The following CNTLN variants were observed in gnomAD, a reference collection of about 807,000 sequenced individuals.
CNTLN encodes the protein centlein, centrosomal protein.
CNTLN carries 212 observed loss-of-function variants against 180.0 expected under a neutral mutation model. That is an observed-to-expected ratio of 1.18 (90% CI 1.05 to 1.32). The LOEUF is 1.32. Among genes scored for constraint, CNTLN ranks in the 40% most tolerant of loss-of-function variants. The probability of loss-of-function intolerance (pLI) is 0.00; values close to 1 mark genes in which losing one functional copy is unlikely to be tolerated. For synonymous variants in CNTLN, 722 were observed against 563.1 expected (o/e 1.28, Z -3.99); for missense variants, 2,095 against 1,610.9 (o/e 1.30, Z -5.14).
intron 18 of CNTLN, among the ~76,000 whole-genome samples, chr9:17,425,631 G>A (rs907085404): frequency 6.6e-6 from 1 of 152,126 alleles, no homozygotes; most frequent in African/African-American, 2.4e-5. Flanking sequence ...TTTTTGAGGT[G>A]CATGCTGGAA....
chr9:17,513,534 A>G, the CNTLN span, among the ~76,000 whole-genome samples: 9 of 152,052 alleles, frequency 5.9e-5, no homozygotes, highest in Non-Finnish European at 1.3e-4. Context: ...CTTCTGTACA[A>G]AAAATACAAA....
chr9:17,158,784 G>T (rs540566567), intron 2 of CNTLN, among the ~76,000 whole-genome samples: 84 of 152,012 alleles, frequency 5.5e-4, no homozygotes, highest in Middle Eastern at 6.8e-3. Context: ...CTAAAGGTTT[G>T]TCAATTTTGT....
intron 18 of CNTLN, among the ~76,000 whole-genome samples, chr9:17,430,900 T>G (rs906624861): frequency 7.9e-5 from 12 of 152,182 alleles, no homozygotes; most frequent in Admixed American, 5.9e-4. Context: ...TTGTCATGGC[T>G]AAATAGTATT....
chr9:17,234,877 A>G (rs1825040532), intron 3 of CNTLN, among the ~76,000 whole-genome samples: 1 of 152,300 alleles, frequency 6.6e-6, no homozygotes, highest in South Asian at 2.1e-4. Flanking sequence ...TATGGATTTC[A>G]TTTTTAGTAA....
intron 25 of CNTLN, among the ~76,000 whole-genome samples, chr9:17,494,038 A>G (rs1481016127): frequency 1.3e-5 from 2 of 152,214 alleles, no homozygotes; most frequent in East Asian, 3.9e-4. Context: ...ACAGATTTGG[A>G]ATGATAAAAT....
In CNTLN at chr9:17,309,102, T is replaced by C; in HGVS notation, c.1191T>C (p.Asn397=). The C allele has an allele frequency of 1.9e-6, 3 of 1,599,490 alleles. No individual in the cohort carries two copies. Among genetic ancestry groups the C allele is most frequent in the Non-Finnish European group, 2.6e-6 (3 of 1,175,676 alleles). ...LHICFETTKS[N]EAMLRQSVTN... The stretch of plus-strand genomic sequence containing the variant: ...TTTGTTTTGAAACCACAAAATCAAA[T>C]GAAGCTATGCTCCGGCAAAGTGTTA... The change falls in exon 8 of 26, where the codon AAT becomes AAC. Residue 397 remains asparagine (N), a synonymous_variant. Coordinates refer to ENST00000380647, the MANE Select transcript of CNTLN (RefSeq NM_017738.4).
At chr9:17,372,187 A>G (rs376859803) in intron 13 of CNTLN, among the ~76,000 whole-genome samples, 12 of 152,282 alleles carry the variant, frequency 7.9e-5, no homozygotes, top group African/African-American at 2.6e-4. Flanking sequence ...TGGTTTATCA[A>G]AAAGCTAACC....
At chr9:17,275,154 C>T (rs1428658075) in intron 6 of CNTLN, among the ~76,000 whole-genome samples, 1 of 152,036 alleles carries the variant, frequency 6.6e-6, no homozygotes, top group African/African-American at 2.4e-5. Context: ...TATCCTCTTC[C>T]TAGTAAGATT....
chr9:17,517,918 T>C, the CNTLN span, among the ~76,000 whole-genome samples: 2 of 151,870 alleles, frequency 1.3e-5, no homozygotes, highest in Non-Finnish European at 2.9e-5. Flanking sequence ...GCCTTCCGAC[T>C]CTGTGCTTCT....
intron 2 of CNTLN, chr9:17,168,030 C>T (rs1341064947): frequency 6.6e-6 from 1 of 152,134 alleles, no homozygotes; most frequent in Non-Finnish European, 1.5e-5. Flanking sequence ...GGGAAAATTA[C>T]CCCGTCACTT....
chr9:17,519,808 C>G, the CNTLN span, among the ~76,000 whole-genome samples: 1 of 152,230 alleles, frequency 6.6e-6, no homozygotes, highest in African/African-American at 2.4e-5. Context: ...TACAAGAAGT[C>G]TGCTAGCCAA....
At chr9:17,382,539 T>C (rs1271563663) in intron 13 of CNTLN, among the ~76,000 whole-genome samples, 1 of 152,192 alleles carries the variant, frequency 6.6e-6, no homozygotes, top group African/African-American at 2.4e-5. Flanking sequence ...CTTGGAATGA[T>C]TAATATTAAC....
At chr9:17,383,511 C>A (rs1825430163) in intron 13 of CNTLN, among the ~76,000 whole-genome samples, 1 of 149,276 alleles carries the variant, frequency 6.7e-6, no homozygotes, top group African/African-American at 2.5e-5. Flanking sequence ...AGGACCCTGT[C>A]TTAAAAAAAA....
At chr9:17,170,586 T>G (rs1051794883) in intron 2 of CNTLN, among the ~76,000 whole-genome samples, 1 of 152,162 alleles carries the variant, frequency 6.6e-6, no homozygotes, top group African/African-American at 2.4e-5. Context: ...TGATTAAATC[T>G]GATGTTGACA....
At chr9:17,517,795 C>A in the CNTLN span, among the ~76,000 whole-genome samples, 1 of 152,066 alleles carries the variant, frequency 6.6e-6, no homozygotes. Context: ...AGTCATTCAG[C>A]TTGTGGTCAT....
chr9:17,260,481 A>G (rs1303126515), intron 5 of CNTLN, among the ~76,000 whole-genome samples: 1 of 151,236 alleles, frequency 6.6e-6, no homozygotes, highest in Non-Finnish European at 1.5e-5. Context: ...GTGTCTGTTT[A>G]TGTTCTTTGC....
chr9:17,449,487 A>C (rs944806854), intron 18 of CNTLN, among the ~76,000 whole-genome samples: 1 of 151,734 alleles, frequency 6.6e-6, no homozygotes, highest in Non-Finnish European at 1.5e-5. Context: ...CTAAAACTTA[A>C]AGTATAATAA....
chr9:17,226,933 A>T (rs1824509170), intron 3 of CNTLN, among the ~76,000 whole-genome samples: 2 of 151,112 alleles, frequency 1.3e-5, no homozygotes, highest in African/African-American at 2.4e-5. Context: ...TTTAATTTTT[A>T]TATATATATT....
At chr9:17,325,596 G>A (rs1209009040) in intron 8 of CNTLN, among the ~76,000 whole-genome samples, 1 of 150,510 alleles carries the variant, frequency 6.6e-6, no homozygotes, top group Non-Finnish European at 1.5e-5. Flanking sequence ...CACTTGACCC[G>A]TACTTGATTT....
Sources: allele counts gnomAD v4.1 joint callset (sites outside exome capture counted in the v4.1 genomes callset), GRCh38; gene constraint gnomAD v4.1.1; transcripts MANE v1.5; gene names NCBI Gene and HGNC (gene_info 2026-07-23, HGNC 2026-07-21).